DENND5B: variants seen among roughly 807,000 people sequenced by gnomAD.
DENND5B encodes DENN domain containing 5B, also known as DENN domain-containing protein 5B.
A neutral mutation model predicts 140.6 loss-of-function variants in DENND5B; 34 were observed. The observed-to-expected ratio is 0.24, with a 90% CI of 0.18 to 0.32. DENND5B has a LOEUF of 0.32. DENND5B is among the 10% of genes least tolerant of loss of function. The probability of loss-of-function intolerance (pLI) is 1.00; values close to 1 mark genes in which losing one functional copy is unlikely to be tolerated. For missense variants in DENND5B, 1,142 were observed against 1,560.2 expected (o/e 0.73, Z 4.52); for synonymous variants, 551 against 562.1 (o/e 0.98, Z 0.28).
intron 3 of DENND5B, chr12:31,464,945 G>A (rs1041392692): frequency 1.1e-4 from 17 of 152,138 alleles, no homozygotes; most frequent in Middle Eastern, 3.2e-3. Flanking sequence ...AACGTGCTTT[G>A]AGAAATTAAT....
chr12:31,399,014 C>T (rs1298408941), intron 16 of DENND5B, among the ~76,000 whole-genome samples: 1 of 149,650 alleles, frequency 6.7e-6, no homozygotes, highest in African/African-American at 2.5e-5. Context: ...CCCAGCTACT[C>T]GGGAGGCTGA....
At chr12:31,428,940 C>A (rs1056276229) in intron 8 of DENND5B, among the ~76,000 whole-genome samples, 2 of 151,728 alleles carry the variant, frequency 1.3e-5, no homozygotes, top group African/African-American at 4.8e-5. Context: ...ACTGTGTTAG[C>A]CAGGATGGTC....
At chr12:31,530,706 A>G (rs1220548957) in intron 1 of DENND5B, among the ~76,000 whole-genome samples, 1 of 152,246 alleles carries the variant, frequency 6.6e-6, no homozygotes, top group Non-Finnish European at 1.5e-5. Context: ...AGTTAAAGCC[A>G]TGTTCAGACA....
intron 20 of DENND5B, 57 bp downstream of exon 20, chr12:31,389,267 C>G (rs1941004613): frequency 2.7e-5 from 41 of 1,525,544 alleles, no homozygotes; most frequent in Non-Finnish European, 3.6e-5. Flanking sequence ...ATAACCTTTT[C>G]TGGACTCTAG....
At position 31,426,342 on chromosome 12, in the gene DENND5B, T is replaced by C. The variant is rs778958103; in HGVS notation, c.2189A>G (p.Gln730Arg). The C allele has an allele frequency of 1.9e-5, 30 of 1,611,464 alleles. No individual in the cohort carries two copies. The highest frequency in any genetic ancestry group is 2.5e-5 in the Non-Finnish European group (30 of 1,178,790). ...GCCTTCTACGAATTTACAGTTGGTCTGTGCAATAACTGCAGGAGAGAGGTC... is the reference window on the plus strand; with the variant it reads ...GCCTTCTACGAATTTACAGTTGGTCCGTGCAATAACTGCAGGAGAGAGGTC... ...LSDLSPAVIA[Q>R]TNCKFVEGLL... The change falls in exon 9 of 21, where the codon CAG becomes CGG. Residue 730 changes from glutamine (Q) to arginine (R), a missense_variant. Gln to Arg is a conservative substitution (Grantham distance 43, BLOSUM62 1). Transcript: ENST00000389082.
intron 4 of DENND5B, among the ~76,000 whole-genome samples, chr12:31,454,308 C>T (rs564995860): frequency 6.6e-6 from 1 of 152,336 alleles, no homozygotes; most frequent in Non-Finnish European, 1.5e-5. Flanking sequence ...TCCAAATGTG[C>T]ACCCTCAAAC....
At chr12:31,414,143 G>A (rs1474656049) in intron 12 of DENND5B, among the ~76,000 whole-genome samples, 3 of 152,054 alleles carry the variant, frequency 2.0e-5, no homozygotes, top group Admixed American at 1.3e-4. Context: ...TGCCCAGGCT[G>A]GTCTCAATCT....
chr12:31,455,673 T>C (rs1944737697), intron 4 of DENND5B, among the ~76,000 whole-genome samples: 1 of 152,192 alleles, frequency 6.6e-6, no homozygotes, highest in African/African-American at 2.4e-5. Context: ...TAAATATTTC[T>C]ACTGATCAAC....
chr12:31,407,899 T>C (rs1013392211), intron 14 of DENND5B, among the ~76,000 whole-genome samples: 9 of 152,186 alleles, frequency 5.9e-5, no homozygotes, highest in Admixed American at 2.6e-4. Context: ...CAATTCCTAA[T>C]TGATACAAGT....
At chr12:31,581,354 T>C (rs943100990) in intron 1 of DENND5B, among the ~76,000 whole-genome samples, 5 of 152,012 alleles carry the variant, frequency 3.3e-5, no homozygotes, top group African/African-American at 1.2e-4. Flanking sequence ...TAGATAATAA[T>C]TGGGAGTCCA....
chr12:31,439,171 C>T (rs1178584865), intron 7 of DENND5B, among the ~76,000 whole-genome samples: 1 of 152,150 alleles, frequency 6.6e-6, no homozygotes, highest in African/African-American at 2.4e-5. Flanking sequence ...CTAAAGACTG[C>T]TTATTTTGTT....
chr12:31,412,658 C>G (rs1942523090), intron 13 of DENND5B, among the ~76,000 whole-genome samples: 1 of 152,202 alleles, frequency 6.6e-6, no homozygotes, highest in Non-Finnish European at 1.5e-5. Flanking sequence ...AGTACTGGTC[C>G]ATGGCCCAAG....
intron 1 of DENND5B, among the ~76,000 whole-genome samples, chr12:31,521,218 G>GTT (rs1157705516): frequency 6.6e-6 from 1 of 151,518 alleles, no homozygotes; most frequent in African/African-American, 2.4e-5. Context: ...TTATATCAAT[G>GTT]TTATATATAG....
intron 1 of DENND5B, among the ~76,000 whole-genome samples, chr12:31,533,938 T>C (rs1394503356): frequency 1.3e-5 from 2 of 151,992 alleles, no homozygotes; most frequent in Admixed American, 6.6e-5. Flanking sequence ...AATATGTTAG[T>C]TCTTCTGGTT....
At chr12:31,449,864 G>A (rs1028991448) in intron 5 of DENND5B, among the ~76,000 whole-genome samples, 3 of 150,674 alleles carry the variant, frequency 2.0e-5, no homozygotes, top group African/African-American at 4.9e-5. Flanking sequence ...CCAAGTAGCT[G>A]GGACTATAGG....
chr12:31,397,008 C>A, intron 17 of DENND5B, among the ~76,000 whole-genome samples: 1 of 152,164 alleles, frequency 6.6e-6, no homozygotes, highest in East Asian at 1.9e-4. Context: ...GCAATATTTA[C>A]AGATTCTAGA....
At chr12:31,576,225 G>A (rs1438725292) in intron 1 of DENND5B, among the ~76,000 whole-genome samples, 2 of 151,852 alleles carry the variant, frequency 1.3e-5, no homozygotes, top group East Asian at 3.9e-4. Context: ...GCCAAGGTGA[G>A]TGGATCATTT....
chr12:31,552,202 G>T (rs887576795), intron 1 of DENND5B, among the ~76,000 whole-genome samples: 4 of 152,066 alleles, frequency 2.6e-5, no homozygotes, highest in East Asian at 1.9e-4. Context: ...GCTGTGGGTT[G>T]TCATAGATAG....
chr12:31,432,955 T>C lies in DENND5B; in HGVS notation c.2106+200A>G, dbSNP rs181459877. On this transcript the variant is annotated intron_variant, in intron 8 of 20. Coordinates refer to ENST00000389082, the MANE Select transcript of DENND5B (RefSeq NM_144973.4). ...AAAGACTTGTTTTAGAGCCTTATTA[T>C]AGATGTCTTGAAATTACAAAAATGG... The C allele has an allele frequency of 3.6e-5, 19 of 521,334 alleles. No homozygotes were observed. The Admixed American group carries it at 4.3e-4, about 12-fold the overall frequency. The allele number at this position is 521,334 out of a possible 1,614,324, so 32.3% of individuals were successfully genotyped here.
Sources: gnomAD v4.1 joint callset for allele counts (sites outside exome capture counted in the v4.1 genomes callset) on GRCh38, gnomAD v4.1.1 for gene constraint, MANE v1.5 for transcripts, NCBI Gene and HGNC (gene_info 2026-07-23, HGNC 2026-07-21) for gene names.